Variants in GLB1 observed in about 807,000 individuals in gnomAD.
The protein encoded by GLB1 is galactosidase beta 1, also known as beta-galactosidase.
In GLB1, 56 loss-of-function variants were observed where a neutral mutation model predicts 74.0. The observed-to-expected ratio is 0.76, with a 90% CI of 0.61 to 0.94. The LOEUF (loss-of-function observed/expected upper bound fraction) is 0.94, where lower values mean the gene tolerates loss of function less well. GLB1 is among the 40% of genes least tolerant of loss of function. The pLI, the probability that GLB1 is intolerant of heterozygous loss-of-function variation, is 0.00. For synonymous variants in GLB1, 323 were observed against 323.6 expected, an observed-to-expected ratio of 1.00 and a Z score of 0.02; for missense variants, 787 against 845.5, an observed-to-expected ratio of 0.93 and a Z score of 0.86.
intron 14 of GLB1, among the ~76,000 whole-genome samples, chr3:33,015,104 C>T (rs377630197): frequency 4.6e-4 from 70 of 152,184 alleles, no homozygotes; most frequent in African/African-American, 1.6e-3. Flanking sequence ...TGCAGTAAGC[C>T]GAGATTGTGC....
At chr3:33,063,707 G>A (rs1162790142) in intron 5 of GLB1, among the ~76,000 whole-genome samples, 1 of 152,154 alleles carries the variant, frequency 6.6e-6, no homozygotes, top group Non-Finnish European at 1.5e-5. Context: ...CCAGAAGAAA[G>A]GAAGAAGACA....
At chr3:32,996,597 C>G (rs1023850927), downstream of GLB1, 1 of 254,206 alleles carries the variant, frequency 3.9e-6, no homozygotes, top group Non-Finnish European at 7.7e-6. Flanking sequence ...GTCCACAGAT[C>G]AAACCAAGAC....
intron 10 of GLB1, among the ~76,000 whole-genome samples, chr3:33,038,479 C>T (rs1177461066): frequency 1.3e-5 from 2 of 152,126 alleles, no homozygotes; most frequent in Non-Finnish European, 2.9e-5. Flanking sequence ...TTTAAAATAT[C>T]TTTTTGAAAG....
chr3:32,980,950 G>A, the GLB1 span, among the ~76,000 whole-genome samples: 49 of 151,724 alleles, frequency 3.2e-4, no homozygotes, highest in Non-Finnish European at 4.9e-4. Flanking sequence ...AATTAGCTGG[G>A]CATGCTGGTA....
chr3:33,044,562 T>A (rs552822669), intron 10 of GLB1, among the ~76,000 whole-genome samples: 19 of 152,220 alleles, frequency 1.2e-4, no homozygotes, highest in African/African-American at 4.6e-4. Context: ...GAGACATTAC[T>A]ATAAATTCTG....
chr3:33,091,715 ATGAG>A (rs1700771193), intron 1 of GLB1: 1 of 985,334 alleles, frequency 1.0e-6, no homozygotes, highest in Non-Finnish European at 1.2e-6. Context: ...ACGCTGCCCT[ATGAG>A]TGAGCAGCAG....
intron 10 of GLB1, among the ~76,000 whole-genome samples, chr3:33,037,148 C>T (rs369683464): frequency 7.3e-5 from 11 of 151,652 alleles, no homozygotes; most frequent in East Asian, 3.9e-4. Context: ...CATATTCAAG[C>T]GATTCTCCTG....
In GLB1 at chr3:33,093,234, C is replaced by T. The variant is rs750373804; in HGVS notation, c.75+3777G>A. 2 of 1,614,138 alleles carry T rather than the reference C, an allele frequency of 1.2e-6. No individual in the cohort carries two copies. The highest frequency in any genetic ancestry group is 1.1e-5 in the South Asian group (1 of 91,062). On this transcript the variant is annotated intron_variant, in intron 1 of 15. Transcript: ENST00000307363. This position sits in a 1 kb window ranked among gnomAD's most constrained non-coding sequence, Gnocchi z 6.0. Reference sequence around the variant, plus strand: ...GATCCAGTCCTCATCCTCACTCCCACTGCCACTGCCACCACCACCACGTTG... The same window carrying T: ...GATCCAGTCCTCATCCTCACTCCCATTGCCACTGCCACCACCACCACGTTG...
intron 6 of GLB1, among the ~76,000 whole-genome samples, chr3:33,055,956 G>T (rs950201158): frequency 6.6e-6 from 1 of 151,604 alleles, no homozygotes; most frequent in Non-Finnish European, 1.5e-5. Flanking sequence ...GACCGGGCGC[G>T]GTGGCTCACG....
chr3:33,024,985 G>A (rs1254681798), intron 10 of GLB1, among the ~76,000 whole-genome samples: 1 of 147,952 alleles, frequency 6.8e-6, no homozygotes, highest in Non-Finnish European at 1.5e-5. Context: ...CGGTCTTGTT[G>A]CCCAGGCTGG....
intron 10 of GLB1, among the ~76,000 whole-genome samples, chr3:33,042,810 T>C (rs1317271860): frequency 1.3e-5 from 2 of 152,240 alleles, no homozygotes; most frequent in African/African-American, 4.8e-5. Context: ...ATATGCCACA[T>C]GGCTCTCTCA....
chr3:32,975,895 G>A, the GLB1 span, among the ~76,000 whole-genome samples: 1 of 152,236 alleles, frequency 6.6e-6, no homozygotes, highest in African/African-American at 2.4e-5. Flanking sequence ...CACCAGGGAG[G>A]TGGCTCCTGC....
At chr3:33,021,465 A>C (rs541043828) in intron 12 of GLB1, 101 bp downstream of exon 12, 3 of 1,276,116 alleles carry the variant, frequency 2.4e-6, no homozygotes, top group African/African-American at 2.9e-5. Flanking sequence ...GCATTTGCTT[A>C]CCATTTTGGC....
intron 10 of GLB1, chr3:33,030,572 G>T: frequency 1.1e-5 from 11 of 985,424 alleles, no homozygotes; most frequent in Non-Finnish European, 1.3e-5. Flanking sequence ...AACAGTGCAG[G>T]ATGATCAATC....
the GLB1 span, among the ~76,000 whole-genome samples, chr3:32,977,283 T>C: frequency 0.43 from 65,345 of 150,736 alleles, 15,820 homozygotes; most frequent in South Asian, 0.55. Context: ...CTCGGCTCAC[T>C]GCAATCTCCA....
intron 10 of GLB1, among the ~76,000 whole-genome samples, chr3:33,028,033 T>C (rs75980069): frequency 0.12 from 18,436 of 152,106 alleles, 1,256 homozygotes; most frequent in Non-Finnish European, 0.14. Flanking sequence ...CCTGAGTAGC[T>C]GGGACTATAG....
intron 4 of GLB1, among the ~76,000 whole-genome samples, chr3:33,065,786 G>C (rs1441506877): frequency 2.0e-5 from 3 of 151,996 alleles, no homozygotes; most frequent in Non-Finnish European, 2.9e-5. Context: ...TGACCAACAT[G>C]GAGAAACCCC....
chr3:33,018,796 C>A (rs549802013), intron 12 of GLB1, among the ~76,000 whole-genome samples: 1 of 152,204 alleles, frequency 6.6e-6, no homozygotes, highest in Non-Finnish European at 1.5e-5. Context: ...ATCAAGCATC[C>A]CTTTCCCATA....
At chr3:33,072,518 T>C (rs752550013) in intron 2 of GLB1, 26 bp downstream of exon 2, 1 of 1,612,392 alleles carries the variant, frequency 6.2e-7, no homozygotes, top group Non-Finnish European at 8.5e-7. Context: ...CAGGCCTAGG[T>C]GAGAGCCACA....
Sources: gnomAD v4.1 joint callset for allele counts (sites outside exome capture counted in the v4.1 genomes callset) on GRCh38, gnomAD v4.1.1 for gene constraint, Gnocchi (gnomAD v3.1) non-coding constraint, MANE v1.5 for transcripts, NCBI Gene and HGNC (gene_info 2026-07-23, HGNC 2026-07-21) for gene names.